Variants in RYR2 observed in about 807,000 individuals in gnomAD.
RYR2 encodes the protein cardiac muscle ryanodine receptor-calcium release channel.
A neutral mutation model predicts 601.1 loss-of-function variants in RYR2; 227 were observed. The ratio of observed to expected loss-of-function variants is 0.38; its 90% CI spans 0.34 to 0.42. RYR2 has a LOEUF of 0.42. RYR2 is among the 10% of genes least tolerant of loss of function. The pLI is 1.00. For synonymous variants in RYR2, 2,223 were observed against 2,175.1 expected (o/e 1.02, Z -0.61); for missense variants, 4,646 against 6,156.5 (o/e 0.75, Z 8.21).
intron 2 of RYR2, among the ~76,000 whole-genome samples, chr1:237,322,874 A>C (rs1035168143): frequency 2.0e-5 from 3 of 151,660 alleles, no homozygotes; most frequent in South Asian, 2.1e-4. Context: ...TAAAAAAAAA[A>C]ACCTTTTTTG....
intron 88 of RYR2, among the ~76,000 whole-genome samples, chr1:237,779,727 G>A (rs1378260729): frequency 6.6e-6 from 1 of 152,184 alleles, no homozygotes; most frequent in Admixed American, 6.5e-5. Context: ...AAACAAAGCT[G>A]GATACTAGTT....
At chr1:237,759,647 T>C (rs1693248633) in intron 82 of RYR2, 129 bp from the exon 83 acceptor site, 1 of 682,482 alleles carries the variant, frequency 1.5e-6, no homozygotes, top group Admixed American at 2.4e-5. Context: ...AAGATGGCAT[T>C]AGTCATGTTT....
chr1:237,242,675 A>G (rs1686330976), intron 1 of RYR2, among the ~76,000 whole-genome samples: 1 of 152,176 alleles, frequency 6.6e-6, no homozygotes, highest in Admixed American at 6.5e-5. Context: ...ATGAATATTC[A>G]TGAAAGTCAC....
At chr1:237,511,836 A>G in intron 24 of RYR2, 45 bp downstream of exon 24, 1 of 598,198 alleles carries the variant, frequency 1.7e-6, no homozygotes, top group South Asian at 3.3e-5. Context: ...CCTTCCCTGA[A>G]AAAAAAAAAA....
chr1:237,595,888 A>G (rs1573025374), intron 34 of RYR2, among the ~76,000 whole-genome samples: 1 of 152,056 alleles, frequency 6.6e-6, no homozygotes, highest in Non-Finnish European at 1.5e-5. Flanking sequence ...CTGCACAATC[A>G]CCACCACAAA....
At chr1:237,419,908 C>T (rs1705386666) in intron 11 of RYR2, among the ~76,000 whole-genome samples, 1 of 152,072 alleles carries the variant, frequency 6.6e-6, no homozygotes, top group Non-Finnish European at 1.5e-5. Flanking sequence ...CACATAATTA[C>T]TAATTTTGCA....
intron 66 of RYR2, among the ~76,000 whole-genome samples, chr1:237,704,460 G>C (rs1303407612): frequency 6.6e-6 from 1 of 151,752 alleles, no homozygotes; most frequent in African/African-American, 2.4e-5. Flanking sequence ...TTTCTATTCT[G>C]TTCTATTATT....
At chr1:237,679,210 C>A (rs1215765390) in intron 61 of RYR2, among the ~76,000 whole-genome samples, 1 of 152,160 alleles carries the variant, frequency 6.6e-6, no homozygotes, top group African/African-American at 2.4e-5. Flanking sequence ...GTATTCGCAG[C>A]CTCTAATTTT....
intron 36 of RYR2, 111 bp downstream of exon 36, chr1:237,611,099 A>C: frequency 3.7e-6 from 3 of 814,550 alleles, no homozygotes; most frequent in Non-Finnish European, 3.8e-6. Context: ...AAACAAGATG[A>C]AATTTACAAA....
chr1:237,611,538 G>C (rs879625623), intron 36 of RYR2, among the ~76,000 whole-genome samples: 6 of 152,128 alleles, frequency 3.9e-5, no homozygotes, highest in Non-Finnish European at 7.4e-5. Context: ...AAAGGTATTT[G>C]AGTAGCTTTG....
rs774241742 is a variant in RYR2, at chr1:237,783,956, G to A, written c.12244G>A (p.Glu4082Lys). The A allele has an allele frequency of 5.6e-6, 9 of 1,613,576 alleles. No homozygotes were observed. The Admixed American group carries it at 8.3e-5, about 15-fold the overall frequency. ...TDENETLDYE[E>K]FVKRFHEPAK... ...TGAGAATGAAACCCTCGACTACGAA[G>A]AGTTCGTCAAACGCTTCCACGAACC... Residue 4082 changes from glutamate (E) to lysine (K), a missense_variant, in exon 90 of 105, where the codon GAG becomes AAG. By Grantham distance (56) the Glu-to-Lys change is moderately conservative. This residue lies in a region of RYR2 where 66 missense variants were observed against 80.7 expected (regional missense o/e 0.82). Coordinates refer to ENST00000366574, the MANE Select transcript of RYR2 (RefSeq NM_001035.3).
At chr1:237,506,566 G>A (rs1220610351) in intron 22 of RYR2, 144 bp from the exon 23 acceptor site, 6 of 529,098 alleles carry the variant, frequency 1.1e-5, no homozygotes, top group South Asian at 5.2e-5. Context: ...AAAGAATGTC[G>A]TGAAATAGAT....
chr1:237,395,676 A>T (rs1702784706), intron 10 of RYR2, among the ~76,000 whole-genome samples: 1 of 151,140 alleles, frequency 6.6e-6, no homozygotes, highest in Non-Finnish European at 1.5e-5. Flanking sequence ...CCTCCCAAGT[A>T]GCTGGGACTA....
chr1:237,623,690 C>A, intron 38 of RYR2, 75 bp from the exon 39 acceptor site: 1 of 929,138 alleles, frequency 1.1e-6, no homozygotes, highest in Non-Finnish European at 1.7e-6. Context: ...CTCCGCCCGG[C>A]CCTGCTGTGC....
At position 237,815,120 on chromosome 1, in the gene RYR2, C is replaced by T. The variant is rs76725203; in HGVS notation, c.14434-3916C>T. The stretch of plus-strand genomic sequence containing the variant: ...GAGGGAGGGAAGCCACAGACTATAA[C>T]ATCTTGGAAATCAACAACTTCCTCT... On this transcript the variant is annotated intron_variant, in intron 100 of 104. Coordinates refer to ENST00000366574, the MANE Select transcript of RYR2 (RefSeq NM_001035.3). Among the ~76,000 whole-genome samples the T allele has an allele frequency of 4.2e-4, 64 of 152,186 alleles. No homozygotes were observed. In the East Asian group the frequency reaches 0.011, roughly 26 times the overall value.
intron 1 of RYR2, among the ~76,000 whole-genome samples, chr1:237,240,244 C>A (rs1231756164): frequency 1.3e-5 from 2 of 152,128 alleles, no homozygotes; most frequent in African/African-American, 2.4e-5. Context: ...ATTTGGAGTT[C>A]ATTTCTTGTC....
intron 80 of RYR2, among the ~76,000 whole-genome samples, chr1:237,743,117 G>T (rs544031695): frequency 2.2e-4 from 34 of 152,154 alleles, no homozygotes; most frequent in African/African-American, 7.9e-4. Context: ...CAGGGAAATA[G>T]AAATTAGATT....
At chr1:237,286,187 T>TGC (rs1691538952) in intron 2 of RYR2, among the ~76,000 whole-genome samples, 1 of 152,090 alleles carries the variant, frequency 6.6e-6, no homozygotes, top group South Asian at 2.1e-4. Flanking sequence ...GCACCACCTT[T>TGC]GCAGTATTTC....
chr1:237,268,950 A>AAAAAAAAAAC (rs1689378484), intron 1 of RYR2, among the ~76,000 whole-genome samples: 1 of 107,150 alleles, frequency 9.3e-6, no homozygotes, highest in South Asian at 3.9e-4. Context: ...AAAAAAAAAA[A>AAAAAAAAAAC]AAAAAAAAAA....
Sources: gnomAD v4.1 joint callset for allele counts (sites outside exome capture counted in the v4.1 genomes callset) on GRCh38, gnomAD v4.1.1 for gene constraint, gnomAD v4.1.1 regional missense constraint, MANE v1.5 for transcripts, NCBI Gene and HGNC (gene_info 2026-07-23, HGNC 2026-07-21) for gene names.